RPS6KA2: variants seen among roughly 807,000 people sequenced by gnomAD.
RPS6KA2 encodes ribosomal protein S6 kinase A2, also known as ribosomal protein S6 kinase alpha-2.
In RPS6KA2, 42 loss-of-function variants were observed where a neutral mutation model predicts 91.8. The ratio of observed to expected loss-of-function variants is 0.46; its 90% confidence interval spans 0.36 to 0.59. RPS6KA2 has a LOEUF of 0.59. RPS6KA2 is among the 20% of genes least tolerant of loss of function. RPS6KA2 has a pLI of 0.00. For synonymous variants in RPS6KA2, 414 were observed against 393.6 expected (o/e 1.05, Z -0.61); for missense variants, 798 against 978.5 (o/e 0.82, Z 2.46).
At chr6:166,649,690 A>G (rs1003871463) in intron 2 of RPS6KA2, among the ~76,000 whole-genome samples, 19 of 152,332 alleles carry the variant, frequency 1.2e-4, no homozygotes, top group African/African-American at 4.3e-4. Context: ...GGAGGTGCTC[A>G]GTAAAGGACC....
intron 2 of RPS6KA2, among the ~76,000 whole-genome samples, chr6:166,715,790 C>T (rs1276547025): frequency 6.6e-6 from 1 of 152,172 alleles, no homozygotes; most frequent in African/African-American, 2.4e-5. Flanking sequence ...GTAATCCCAG[C>T]ACTTTGGGAG....
rs921800678 is a variant in RPS6KA2 at position 166,433,460 on chromosome 6, C to G, written c.1333-970G>C. 2.0e-5 allele frequency among the ~76,000 whole-genome samples: 3 copies of G among 152,194 alleles called. No homozygotes were observed. ...CTAATCCCTCTGGAGGTGCCTAAGT[C>G]CCGCCCTTGCCGCCCCTGCTGTGGG... is the stretch of plus-strand genomic sequence containing the variant. On this transcript the variant is annotated intron_variant, in intron 14 of 20. Transcript: ENST00000265678. This position sits in a 1 kb window ranked among gnomAD's most constrained non-coding sequence, Gnocchi z 4.4.
chr6:166,834,830 ATTATTTATTTAT>A (rs34377390), intron 2 of RPS6KA2, among the ~76,000 whole-genome samples: 17 of 65,644 alleles, frequency 2.6e-4, no homozygotes, highest in East Asian at 6.9e-4. Context: ...ATGGCGTCCT[ATTATTTATTTAT>A]TTATTTATTT....
At chr6:166,759,482 T>C (rs1019024281) in intron 2 of RPS6KA2, among the ~76,000 whole-genome samples, 57 of 152,212 alleles carry the variant, frequency 3.7e-4, no homozygotes, top group Admixed American at 1.3e-4. Flanking sequence ...CCCAAAATAA[T>C]AACACGGGGA....
chr6:166,537,343 T>G (rs1453712473), intron 2 of RPS6KA2, among the ~76,000 whole-genome samples: 1 of 152,292 alleles, frequency 6.6e-6, no homozygotes, highest in African/African-American at 2.4e-5. Context: ...TAGTGAGGCA[T>G]TCCACTGTCA....
Position 166,596,678 on chromosome 6 carries a change from A to G in RPS6KA2, c.99+30243T>C, listed in dbSNP as rs552593811. ...CCACCACTGGCTTCCTTGCTCCTCA[A>G]CTTGCAGATGGCCTATAGTGGGACT... is the stretch of plus-strand genomic sequence containing the variant. On this transcript the variant is annotated intron_variant, in intron 1 of 20. Coordinates refer to ENST00000265678, the MANE Select transcript of RPS6KA2 (RefSeq NM_021135.6). 1.1e-4 allele frequency among the ~76,000 whole-genome samples: 16 copies of G among 152,204 alleles called. No individual in the cohort carries two copies. The East Asian group carries it at 2.9e-3, about 28-fold the overall frequency.
At position 166,495,041 on chromosome 6, in the gene RPS6KA2, A is replaced by G. The variant is rs1562533107; in HGVS notation, c.747+3467T>C. 2.0e-5 allele frequency among the ~76,000 whole-genome samples: 3 copies of G among 152,216 alleles called. No homozygotes were observed. Among genetic ancestry groups the G allele is most frequent in the Admixed American group, 1.3e-4 (2 of 15,288 alleles). On this transcript the variant is annotated intron_variant, in intron 8 of 20. Transcript: ENST00000265678. This position sits in a 1 kb window ranked among gnomAD's most constrained non-coding sequence, Gnocchi z 4.4. ...CGTGTGGGAAGCGTGGGGCCTCCAC[A>G]GTCAAGACCTTTGCCTGTGTGCAGC... is the stretch of plus-strand genomic sequence containing the variant.
intron 2 of RPS6KA2, among the ~76,000 whole-genome samples, chr6:166,792,286 G>A (rs565443531): frequency 1.5e-3 from 224 of 152,094 alleles, no homozygotes; most frequent in African/African-American, 5.1e-3. Flanking sequence ...CACATACACC[G>A]ACCCAAGACT....
At chr6:166,653,050 T>G (rs1787905869) in intron 2 of RPS6KA2, among the ~76,000 whole-genome samples, 1 of 152,336 alleles carries the variant, frequency 6.6e-6, no homozygotes, top group South Asian at 2.1e-4. Context: ...TATTCCATTT[T>G]TCTCTCCTAA....
intron 3 of RPS6KA2, among the ~76,000 whole-genome samples, chr6:166,519,612 T>C (rs1782777216): frequency 6.6e-6 from 1 of 152,198 alleles, no homozygotes; most frequent in Non-Finnish European, 1.5e-5. Context: ...GAGATGGTTG[T>C]GGAGGCACCA....
In RPS6KA2 at chr6:166,488,846, G is replaced by A. The variant is rs1583198413; in HGVS notation, c.894C>T (p.Pro298=). 1 of 1,613,056 alleles carries A rather than the reference G, an allele frequency of 6.2e-7. No individual in the cohort carries two copies. Among genetic ancestry groups the A allele is most frequent in the South Asian group, 1.1e-5 (1 of 90,904 alleles). ...GGGGAATCTTACCCAGCCGGTTGCA[G>A]GGGTTCCGTTTGAAGAGAGCTCGCA... ...SLLRALFKRN[P]CNRLGAGIDG... is the part of the protein sequence containing the mutation. Residue 298 remains proline, a synonymous_variant, in exon 10 of 21, where the codon CCC becomes CCT. Transcript: ENST00000265678.
chr6:166,671,742 TG>T (rs1391797559), intron 2 of RPS6KA2, among the ~76,000 whole-genome samples: 1 of 152,104 alleles, frequency 6.6e-6, no homozygotes, highest in Non-Finnish European at 1.5e-5. Flanking sequence ...TCTGAAAACC[TG>T]GTAACAGGGA....
chr6:166,442,343 G>T (rs565452681), intron 14 of RPS6KA2, among the ~76,000 whole-genome samples: 1 of 152,314 alleles, frequency 6.6e-6, no homozygotes, highest in East Asian at 1.9e-4. Context: ...GCTGGACAGG[G>T]GTCGAGAGTG....
At chr6:166,717,858 T>C (rs1562399344) in intron 2 of RPS6KA2, among the ~76,000 whole-genome samples, 2 of 151,912 alleles carry the variant, frequency 1.3e-5, no homozygotes, top group Admixed American at 6.6e-5. Context: ...TTCTTTCTTT[T>C]TTTTTTTTAG....
At chr6:166,818,599 C>A (rs528495293) in intron 2 of RPS6KA2, among the ~76,000 whole-genome samples, 8 of 152,256 alleles carry the variant, frequency 5.3e-5, no homozygotes, top group African/African-American at 1.9e-4. Flanking sequence ...CACAGTCACC[C>A]CTTCCCCAGT....
intron 1 of RPS6KA2, among the ~76,000 whole-genome samples, chr6:166,556,087 A>G (rs1784170199): frequency 6.6e-6 from 1 of 152,184 alleles, no homozygotes; most frequent in Admixed American, 6.5e-5. Flanking sequence ...GGGGTTATCC[A>G]TATGCACTTA....
chr6:166,472,359 T>C (rs745454791), intron 10 of RPS6KA2, among the ~76,000 whole-genome samples: 3 of 152,246 alleles, frequency 2.0e-5, no homozygotes, highest in Non-Finnish European at 4.4e-5. Context: ...ATACAGGTAT[T>C]GGTATAACTA....
At chr6:166,681,589 C>G (rs1788809160) in intron 2 of RPS6KA2, among the ~76,000 whole-genome samples, 1 of 151,936 alleles carries the variant, frequency 6.6e-6, no homozygotes, top group Non-Finnish European at 1.5e-5. Flanking sequence ...GATTCTGTGC[C>G]CCGAAGGGAA....
chr6:166,807,276 T>C (rs1309019951), intron 2 of RPS6KA2, among the ~76,000 whole-genome samples: 2 of 152,250 alleles, frequency 1.3e-5, no homozygotes, highest in East Asian at 3.8e-4. Flanking sequence ...TCATCTTTCC[T>C]GACACTCGTG....
Sources: allele counts gnomAD v4.1 joint callset (sites outside exome capture counted in the v4.1 genomes callset), GRCh38; gene constraint gnomAD v4.1.1; non-coding constraint Gnocchi (gnomAD v3.1); transcripts MANE v1.5; gene names NCBI Gene and HGNC (gene_info 2026-07-23, HGNC 2026-07-21).